Variants in GGTA1 observed in about 807,000 individuals in gnomAD.
GGTA1 encodes glycoprotein alpha-galactosyltransferase 1 (inactive), also known as inactive N-acetyllactosaminide alpha-1,3-galactosyltransferase.
A neutral mutation model predicts 2.6 loss-of-function variants in GGTA1; 5 were observed. The observed-to-expected ratio is 1.92, with a 90% CI of 1.00 to 4.04. GGTA1 has a LOEUF of 4.04. Among genes scored for constraint, GGTA1 ranks in the 30% most tolerant of loss-of-function variants. The pLI is 0.00. For missense variants in GGTA1, 50 were observed against 16.7 expected (o/e 2.99, Z -3.47); for synonymous variants, 17 against 5.0 (o/e 3.38, Z -3.19).
intron 2 of GGTA1, among the ~76,000 whole-genome samples, chr9:121,467,027 C>T (rs961340618): frequency 4.0e-5 from 6 of 151,632 alleles, no homozygotes; most frequent in African/African-American, 1.5e-4. Flanking sequence ...ACTTGGGGGC[C>T]ACTGAAACAC....
At chr9:121,482,488 G>A (rs1484253035) in intron 1 of GGTA1, among the ~76,000 whole-genome samples, 1 of 152,030 alleles carries the variant, frequency 6.6e-6, no homozygotes, top group African/African-American at 2.4e-5. Flanking sequence ...TAAAAAATCG[G>A]CTGGGCACAG....
At chr9:121,489,453 C>G (rs957968325) in intron 1 of GGTA1, among the ~76,000 whole-genome samples, 1 of 152,210 alleles carries the variant, frequency 6.6e-6, no homozygotes, top group Non-Finnish European at 1.5e-5. Context: ...TCCCAAAGTG[C>G]TGGGATTACA....
chr9:121,454,744 G>A (rs2064896980), downstream of GGTA1, among the ~76,000 whole-genome samples: 1 of 152,162 alleles, frequency 6.6e-6, no homozygotes, highest in Non-Finnish European at 1.5e-5. Flanking sequence ...CGGGCGCGGT[G>A]GCTCATGCCT....
At chr9:121,465,026 C>G (rs1056805412) in intron 2 of GGTA1, among the ~76,000 whole-genome samples, 1 of 124,214 alleles carries the variant, frequency 8.1e-6, no homozygotes, top group Non-Finnish European at 1.9e-5. Context: ...AAACAAAAAA[C>G]AACTCCTCCC....
At chr9:121,492,909 C>A (rs997512039) in intron 1 of GGTA1, among the ~76,000 whole-genome samples, 2 of 151,676 alleles carry the variant, frequency 1.3e-5, no homozygotes, top group African/African-American at 4.8e-5. Flanking sequence ...TTTAGGAGGC[C>A]GAAGCAGGCA....
intron 1 of GGTA1, among the ~76,000 whole-genome samples, chr9:121,487,824 T>C (rs957953425): frequency 1.3e-5 from 2 of 151,490 alleles, no homozygotes; most frequent in Admixed American, 1.3e-4. Flanking sequence ...AAAGCGATTC[T>C]CCTGCCTCAG....
chr9:121,471,474 C>T (rs1227623035), intron 1 of GGTA1, among the ~76,000 whole-genome samples: 1 of 152,196 alleles, frequency 6.6e-6, no homozygotes, highest in East Asian at 1.9e-4. Flanking sequence ...GGACACAGGT[C>T]ATTTTCCAAT....
chr9:121,478,214 T>C (rs939106514), intron 1 of GGTA1, among the ~76,000 whole-genome samples: 1 of 152,128 alleles, frequency 6.6e-6, no homozygotes, highest in African/African-American at 2.4e-5. Flanking sequence ...TCTGCATGGG[T>C]TAATTGCTGT....
At chr9:121,468,814 G>T (rs183811718) in intron 1 of GGTA1, among the ~76,000 whole-genome samples, 1 of 152,298 alleles carries the variant, frequency 6.6e-6, no homozygotes, top group Admixed American at 6.5e-5. Flanking sequence ...ATCCCTATCT[G>T]CCATGGATGT....
chr9:121,448,632 T>G (rs1402638493), intron 7 of GGTA1, among the ~76,000 whole-genome samples: 1 of 152,080 alleles, frequency 6.6e-6, no homozygotes, highest in Non-Finnish European at 1.5e-5. Flanking sequence ...TAAAAGAAAT[T>G]TAAAAAAGGA....
In GGTA1 at chr9:121,474,667, C is replaced by T. The variant is rs566450972; in HGVS notation, c.-9-6736G>A. Among the ~76,000 whole-genome samples, 7 of 152,304 alleles carry T rather than the reference C, an allele frequency of 4.6e-5. 1 individual carries two copies. The East Asian group carries it at 7.7e-4, about 17-fold the overall frequency. ...GTAATTCGTTCCAAACAGAATTCCA[C>T]TCTGAAAGGAATTCTAGCAGATCCT... is the stretch of plus-strand genomic sequence containing the variant. On this transcript the variant is annotated intron_variant, in intron 1 of 5. Transcript: ENST00000481799.
At chr9:121,448,867 G>A (rs943211226) in intron 7 of GGTA1, among the ~76,000 whole-genome samples, 2 of 152,132 alleles carry the variant, frequency 1.3e-5, no homozygotes, top group African/African-American at 4.8e-5. Context: ...TCTTGGTGTG[G>A]TACATTCTAA....
intron 1 of GGTA1, among the ~76,000 whole-genome samples, chr9:121,491,788 T>G (rs1348225777): frequency 2.0e-5 from 3 of 152,046 alleles, no homozygotes; most frequent in Non-Finnish European, 4.4e-5. Flanking sequence ...TTTTGTATTT[T>G]TAGTAGAGAT....
chr9:121,458,094 G>A (rs1404608013), intron 5 of GGTA1, among the ~76,000 whole-genome samples: 5 of 151,588 alleles, frequency 3.3e-5, no homozygotes, highest in Admixed American at 3.3e-4. Flanking sequence ...TTTTGCAGTA[G>A]AGACGGGGTT....
downstream of GGTA1, among the ~76,000 whole-genome samples, chr9:121,451,501 A>G (rs1469385003): frequency 9.9e-5 from 15 of 152,192 alleles, no homozygotes; most frequent in Non-Finnish European, 4.4e-5. Flanking sequence ...TAGAACTTTC[A>G]AGTAAGAATG....
At chr9:121,468,640 C>A (rs925556480) in intron 1 of GGTA1, among the ~76,000 whole-genome samples, 2 of 152,198 alleles carry the variant, frequency 1.3e-5, no homozygotes, top group African/African-American at 4.8e-5. Flanking sequence ...CCACCTAATT[C>A]TTTCTAAAAG....
chr9:121,475,612 T>C (rs942675740), intron 1 of GGTA1, among the ~76,000 whole-genome samples: 7 of 152,120 alleles, frequency 4.6e-5, no homozygotes, highest in Non-Finnish European at 8.8e-5. Flanking sequence ...TTAACAAACA[T>C]GGACTAGGCT....
intron 1 of GGTA1, among the ~76,000 whole-genome samples, chr9:121,473,268 A>C (rs1411234829): frequency 1.3e-5 from 2 of 149,946 alleles, no homozygotes; most frequent in East Asian, 3.9e-4. Flanking sequence ...TGCAGTGAGC[A>C]AAGATCATGC....
chr9:121,457,003 A>G (rs1337742552), intron 5 of GGTA1, among the ~76,000 whole-genome samples: 1 of 152,210 alleles, frequency 6.6e-6, no homozygotes, highest in Non-Finnish European at 1.5e-5. Context: ...CCCTCTAAGC[A>G]GGAGTAGGTT....
Sources: allele counts gnomAD v4.1 joint callset (sites outside exome capture counted in the v4.1 genomes callset), GRCh38; gene constraint gnomAD v4.1.1; transcripts MANE v1.5; gene names NCBI Gene and HGNC (gene_info 2026-07-23, HGNC 2026-07-21).